Variants in EXOC6B observed in about 807,000 individuals in gnomAD.
The protein encoded by EXOC6B is exocyst complex component 6B.
Under a neutral mutation model 113.5 loss-of-function variants are expected in EXOC6B, and 54 were observed. The ratio of observed to expected loss-of-function variants is 0.48; its 90% CI spans 0.38 to 0.60. The LOEUF (loss-of-function observed/expected upper bound fraction) is 0.60. Ranked by LOEUF, EXOC6B falls within the 20% of genes least tolerant of loss-of-function variation. The pLI is 0.00. For synonymous variants in EXOC6B, 357 were observed against 339.0 expected, an observed-to-expected ratio of 1.05 and a Z score of -0.58; for missense variants, 797 against 977.5, an observed-to-expected ratio of 0.82 and a Z score of 2.46.
intron 6 of EXOC6B, among the ~76,000 whole-genome samples, chr2:72,611,558 C>T (rs1671075446): frequency 6.6e-6 from 1 of 152,108 alleles, no homozygotes; most frequent in African/African-American, 2.4e-5. Flanking sequence ...AGTGATGTGC[C>T]AGTACTAATT....
chr2:72,589,900 TAAG>T (rs1260443932), intron 6 of EXOC6B, among the ~76,000 whole-genome samples: 1 of 151,872 alleles, frequency 6.6e-6, no homozygotes, highest in Non-Finnish European at 1.5e-5. Context: ...AAGGCTTCTG[TAAG>T]AAGTTCAATG....
chr2:72,494,901 TA>T (rs2105558997), intron 15 of EXOC6B, among the ~76,000 whole-genome samples: 1 of 152,334 alleles, frequency 6.6e-6, no homozygotes, highest in South Asian at 2.1e-4. Context: ...GCCTACACTC[TA>T]GCACGTATAG....
chr2:72,249,552 A>AT (rs1264096588), intron 20 of EXOC6B, among the ~76,000 whole-genome samples: 1 of 152,132 alleles, frequency 6.6e-6, no homozygotes, highest in Non-Finnish European at 1.5e-5. Flanking sequence ...TAGGAAAGAA[A>AT]TTTTTTTGCA....
intron 8 of EXOC6B, among the ~76,000 whole-genome samples, chr2:72,532,854 A>C (rs967358348): frequency 6.6e-6 from 1 of 151,980 alleles, no homozygotes; most frequent in African/African-American, 2.4e-5. Flanking sequence ...AATGCTTTTG[A>C]CTCTGGCATC....
At chr2:72,260,807 C>T (rs1016998710) in intron 20 of EXOC6B, among the ~76,000 whole-genome samples, 8 of 152,132 alleles carry the variant, frequency 5.3e-5, no homozygotes, top group Admixed American at 2.6e-4. Flanking sequence ...GACTATCCAC[C>T]AAAACCGAGG....
chr2:72,782,599 T>C (rs1012092170), intron 1 of EXOC6B, among the ~76,000 whole-genome samples: 14 of 152,206 alleles, frequency 9.2e-5, no homozygotes, highest in African/African-American at 2.9e-4. Context: ...ATAATCACCC[T>C]ACTCTGCTAT....
intron 8 of EXOC6B, among the ~76,000 whole-genome samples, chr2:72,539,893 C>A (rs1445214814): frequency 2.0e-5 from 3 of 151,116 alleles, no homozygotes; most frequent in African/African-American, 7.3e-5. Flanking sequence ...GTGTGCTGCA[C>A]CCATTAACTC....
chr2:72,512,170 T>C (rs1487164556), intron 11 of EXOC6B, among the ~76,000 whole-genome samples: 1 of 152,094 alleles, frequency 6.6e-6, no homozygotes, highest in Non-Finnish European at 1.5e-5. Context: ...ATTGTCTGCA[T>C]TGCATGATCA....
At chr2:72,767,808 T>TGAAAAAAAAAAAAAAAAAAAA (rs561079706) in intron 1 of EXOC6B, among the ~76,000 whole-genome samples, 2 of 12,680 alleles carry the variant, frequency 1.6e-4, no homozygotes, top group African/African-American at 3.0e-4. Flanking sequence ...GAGACCTTGT[T>TGAAAAAAAAAAAAAAAAAAAA]AAAAAAAAAA....
intron 19 of EXOC6B, among the ~76,000 whole-genome samples, chr2:72,347,808 T>C (rs915716502): frequency 6.6e-6 from 1 of 152,152 alleles, no homozygotes; most frequent in Non-Finnish European, 1.5e-5. Context: ...ATTGTAGCTC[T>C]AGATGACATT....
At chr2:72,671,812 AAAGAAAG>A (rs1174460612) in intron 6 of EXOC6B, among the ~76,000 whole-genome samples, 43 of 141,946 alleles carry the variant, frequency 3.0e-4, no homozygotes, top group African/African-American at 1.1e-3. Flanking sequence ...AGAAAGAAAG[AAAGAAAG>A]AAGAGAAAAG....
At chr2:72,519,753 G>A (rs1047232012) in intron 8 of EXOC6B, among the ~76,000 whole-genome samples, 1 of 152,118 alleles carries the variant, frequency 6.6e-6, no homozygotes, top group Non-Finnish European at 1.5e-5. Context: ...TCTGTACTGG[G>A]CATATTTAAT....
At chr2:72,583,843 C>T (rs1024749940) in intron 6 of EXOC6B, among the ~76,000 whole-genome samples, 3 of 152,044 alleles carry the variant, frequency 2.0e-5, no homozygotes, top group Non-Finnish European at 4.4e-5. Context: ...GCCTCAGCCT[C>T]CTGAGTAGCT....
chr2:72,500,579 A>G (rs1420160413), intron 11 of EXOC6B, among the ~76,000 whole-genome samples: 3 of 138,022 alleles, frequency 2.2e-5, no homozygotes, highest in Admixed American at 8.0e-5. Context: ...AAATTGATTA[A>G]ACAATAAAGA....
chr2:72,405,900 A>G (rs1466091337), intron 18 of EXOC6B, among the ~76,000 whole-genome samples: 2 of 152,234 alleles, frequency 1.3e-5, no homozygotes, highest in African/African-American at 4.8e-5. Context: ...TAAAAGACAC[A>G]GACTGGCAAA....
intron 1 of EXOC6B, among the ~76,000 whole-genome samples, chr2:72,823,565 C>T (rs1686723498): frequency 6.7e-6 from 1 of 150,048 alleles, no homozygotes; most frequent in Admixed American, 6.7e-5. Flanking sequence ...AGGTGGATTG[C>T]TTGAACCCAG....
chr2:72,475,572 G>T (rs1192773196), intron 17 of EXOC6B, among the ~76,000 whole-genome samples: 5 of 152,012 alleles, frequency 3.3e-5, no homozygotes, highest in Admixed American at 2.6e-4. Context: ...GGGGTTGGGG[G>T]GTGGCAGGTC....
At chr2:72,189,861 T>TTTC (rs1553462594) in intron 20 of EXOC6B, among the ~76,000 whole-genome samples, 1 of 55,588 alleles carries the variant, frequency 1.8e-5, no homozygotes, top group African/African-American at 1.7e-4. Flanking sequence ...CTTCTTCTTC[T>TTTC]TTTTTTTTTT....
chr2:72,485,161 G>A (rs1386689367), intron 16 of EXOC6B, among the ~76,000 whole-genome samples: 1 of 152,142 alleles, frequency 6.6e-6, no homozygotes, highest in Non-Finnish European at 1.5e-5. Flanking sequence ...AGTGGAACCT[G>A]AACCATGATG....
Sources: allele counts gnomAD v4.1 joint callset (sites outside exome capture counted in the v4.1 genomes callset), GRCh38; gene constraint gnomAD v4.1.1; transcripts MANE v1.5; gene names NCBI Gene and HGNC (gene_info 2026-07-23, HGNC 2026-07-21).